GRIK2: variants seen among roughly 807,000 people sequenced by gnomAD.
The protein encoded by GRIK2 is glutamate receptor ionotropic, kainate 2.
GRIK2 carries 32 observed loss-of-function variants against 100.3 expected under a neutral mutation model. The ratio of observed to expected loss-of-function variants is 0.32; its 90% CI spans 0.24 to 0.43. The LOEUF (loss-of-function observed/expected upper bound fraction) is 0.43, where lower values mean the gene tolerates loss of function less well. Ranked by LOEUF, GRIK2 falls within the 20% of genes least tolerant of loss-of-function variation. The probability of loss-of-function intolerance (pLI) is 1.00; values close to 1 mark genes in which losing one functional copy is unlikely to be tolerated. For missense variants in GRIK2, 843 were observed against 1,114.9 expected, an observed-to-expected ratio of 0.76 and a Z score of 3.47; for synonymous variants, 417 against 389.4, an observed-to-expected ratio of 1.07 and a Z score of -0.83.
At chr6:101,469,122 C>T (rs529797438) in intron 2 of GRIK2, among the ~76,000 whole-genome samples, 1 of 152,184 alleles carries the variant, frequency 6.6e-6, no homozygotes, top group East Asian at 1.9e-4. Flanking sequence ...TATCCACCAA[C>T]TAGAAAATTG....
At chr6:101,718,325 A>G (rs1018284294) in intron 7 of GRIK2, among the ~76,000 whole-genome samples, 1 of 151,900 alleles carries the variant, frequency 6.6e-6, no homozygotes, top group Non-Finnish European at 1.5e-5. Flanking sequence ...GGTGCCAGAT[A>G]CAAATTATGA....
At chr6:101,805,576 C>T (rs1306400302) in intron 9 of GRIK2, among the ~76,000 whole-genome samples, 4 of 151,840 alleles carry the variant, frequency 2.6e-5, no homozygotes, top group Non-Finnish European at 5.9e-5. Flanking sequence ...CATCTTAGAC[C>T]AGCACACTTC....
intron 12 of GRIK2, among the ~76,000 whole-genome samples, chr6:101,922,084 C>CTTCCTACCTTTCTCCCT (rs754222820): frequency 7.0e-5 from 3 of 42,836 alleles, no homozygotes; most frequent in Non-Finnish European, 1.4e-4. Context: ...CATTTCCTTC[C>CTTCCTACCTTTCTCCCT]TTCCTTCCTT....
At chr6:102,054,431 C>T (rs1435863095) in intron 15 of GRIK2, among the ~76,000 whole-genome samples, 1 of 151,888 alleles carries the variant, frequency 6.6e-6, no homozygotes, top group African/African-American at 2.4e-5. Context: ...AAAGATCACA[C>T]TTTAGAAGCA....
chr6:101,830,065 G>A (rs1218517287), intron 10 of GRIK2, among the ~76,000 whole-genome samples: 1 of 152,046 alleles, frequency 6.6e-6, no homozygotes, highest in African/African-American at 2.4e-5. Flanking sequence ...CATGGGATTG[G>A]TATAAATATA....
At chr6:101,767,466 T>G (rs1778109316) in intron 7 of GRIK2, among the ~76,000 whole-genome samples, 2 of 152,198 alleles carry the variant, frequency 1.3e-5, no homozygotes, top group Admixed American at 6.5e-5. Context: ...ATAAGCTATA[T>G]TTTGTTTTAC....
intron 2 of GRIK2, among the ~76,000 whole-genome samples, chr6:101,563,864 T>C (rs1777134393): frequency 6.6e-6 from 1 of 152,016 alleles, no homozygotes; most frequent in Admixed American, 6.6e-5. Context: ...AGTCTTCCAT[T>C]ATTTTCTTTT....
At chr6:102,026,994 T>C (rs1456050811) in intron 14 of GRIK2, among the ~76,000 whole-genome samples, 1 of 151,284 alleles carries the variant, frequency 6.6e-6, no homozygotes, top group Non-Finnish European at 1.5e-5. Flanking sequence ...ACCTAGCACA[T>C]ATGTTCCAGT....
In GRIK2 at chr6:101,926,044, T is replaced by C. The variant is rs891406633; in HGVS notation, c.1867+1325T>C. ...ATGTAAACTATATTTTTATATATAG[T>C]TTATGAATATTTAAACCTAAAACTT... On this transcript the variant is annotated intron_variant, in intron 13 of 16. Coordinates refer to ENST00000369134, the MANE Select transcript of GRIK2 (RefSeq NM_021956.5). 4.0e-5 allele frequency among the ~76,000 whole-genome samples: 6 copies of C among 151,248 alleles called. No homozygotes were observed. The East Asian group carries it at 9.7e-4, about 24-fold the overall frequency.
intron 2 of GRIK2, among the ~76,000 whole-genome samples, chr6:101,456,895 A>G (rs909700133): frequency 1.3e-5 from 2 of 152,154 alleles, no homozygotes; most frequent in Non-Finnish European, 2.9e-5. Context: ...AAGACAAGCA[A>G]TACTAGAGGA....
intron 7 of GRIK2, among the ~76,000 whole-genome samples, chr6:101,745,409 A>G (rs964301698): frequency 6.6e-6 from 1 of 152,184 alleles, no homozygotes; most frequent in Non-Finnish European, 1.5e-5. Flanking sequence ...TGGGCCTGGC[A>G]TTCTATTGAT....
At chr6:101,581,254 A>G (rs1411014225) in intron 2 of GRIK2, among the ~76,000 whole-genome samples, 1 of 151,120 alleles carries the variant, frequency 6.6e-6, no homozygotes, top group Non-Finnish European at 1.5e-5. Context: ...GTATATATAC[A>G]CATATATCTA....
At chr6:101,550,332 T>C (rs1440498795) in intron 2 of GRIK2, among the ~76,000 whole-genome samples, 1 of 152,176 alleles carries the variant, frequency 6.6e-6, no homozygotes, top group Non-Finnish European at 1.5e-5. Context: ...CTTTTGATAA[T>C]TGTCCATGCA....
intron 10 of GRIK2, among the ~76,000 whole-genome samples, chr6:101,857,233 A>G (rs1358723660): frequency 3.3e-5 from 5 of 152,306 alleles, no homozygotes; most frequent in African/African-American, 9.6e-5. Context: ...GCTGAAGGCT[A>G]AGCAATGTCA....
intron 10 of GRIK2, among the ~76,000 whole-genome samples, chr6:101,840,528 A>G (rs1471402062): frequency 1.3e-5 from 2 of 152,230 alleles, no homozygotes; most frequent in East Asian, 3.8e-4. Flanking sequence ...TCTTCCTCTC[A>G]TAGAAAACAC....
At chr6:101,779,816 A>G (rs554441347) in intron 7 of GRIK2, among the ~76,000 whole-genome samples, 1 of 152,272 alleles carries the variant, frequency 6.6e-6, no homozygotes, top group East Asian at 1.9e-4. Context: ...TATATAATGT[A>G]TATAATCCAT....
At chr6:101,569,872 A>C (rs1446628662) in intron 2 of GRIK2, among the ~76,000 whole-genome samples, 3 of 152,130 alleles carry the variant, frequency 2.0e-5, no homozygotes, top group Non-Finnish European at 4.4e-5. Context: ...TATTGCTGGA[A>C]ATCTTTTTGA....
At chr6:101,954,041 C>T (rs747240275) in intron 14 of GRIK2, among the ~76,000 whole-genome samples, 4 of 152,076 alleles carry the variant, frequency 2.6e-5, no homozygotes, top group Non-Finnish European at 5.9e-5. Context: ...TTTTGGTACT[C>T]TAGTAAAACA....
chr6:101,662,119 A>G (rs992511425), intron 4 of GRIK2, among the ~76,000 whole-genome samples: 1 of 152,202 alleles, frequency 6.6e-6, no homozygotes, highest in Non-Finnish European at 1.5e-5. Context: ...TGATTATACC[A>G]AGGGTTAAAA....
Sources: allele counts gnomAD v4.1 joint callset (sites outside exome capture counted in the v4.1 genomes callset), GRCh38; gene constraint gnomAD v4.1.1; transcripts MANE v1.5; gene names NCBI Gene and HGNC (gene_info 2026-07-23, HGNC 2026-07-21).